Variants in RIOX2 observed in about 807,000 individuals in gnomAD.
RIOX2 encodes 60S ribosomal protein L27a histidine hydroxylase.
Under a neutral mutation model 51.2 loss-of-function variants are expected in RIOX2, and 43 were observed. The ratio of observed to expected loss-of-function variants is 0.84; its 90% CI spans 0.66 to 1.08. The LOEUF (loss-of-function observed/expected upper bound fraction) is 1.08. Ranked by LOEUF, RIOX2 falls within the 50% of genes least tolerant of loss-of-function variation. The pLI, the probability that RIOX2 is intolerant of heterozygous loss-of-function variation, is 0.00. For synonymous variants in RIOX2, 226 were observed against 218.5 expected (o/e 1.03, Z -0.30); for missense variants, 566 against 561.7 (o/e 1.01, Z -0.08).
intron 1 of RIOX2, chr3:97,971,445 G>C (rs1449043752): frequency 6.6e-6 from 1 of 152,218 alleles, no homozygotes; most frequent in African/African-American, 2.4e-5. Flanking sequence ...CTTGTAACAA[G>C]GTTGCCCAGA....
At chr3:97,959,852 T>G (rs750054147) in intron 3 of RIOX2, among the ~76,000 whole-genome samples, 1 of 152,216 alleles carries the variant, frequency 6.6e-6, no homozygotes, top group Non-Finnish European at 1.5e-5. Flanking sequence ...AACTTACCTA[T>G]ACAAATACTT....
intron 5 of RIOX2, among the ~76,000 whole-genome samples, chr3:97,953,564 G>C (rs1705328547): frequency 6.6e-6 from 1 of 151,992 alleles, no homozygotes. Context: ...ATTTTTTTTA[G>C]TAGAGATGGG....
intron 2 of RIOX2, among the ~76,000 whole-genome samples, chr3:97,963,629 G>C (rs1354918409): frequency 6.6e-6 from 1 of 152,124 alleles, no homozygotes; most frequent in Admixed American, 6.5e-5. Flanking sequence ...TAGAAAACCA[G>C]GGCTTCTCTC....
chr3:97,967,743 C>CTG, intron 1 of RIOX2, 111 bp from the exon 2 acceptor site: 1 of 720,206 alleles, frequency 1.4e-6, no homozygotes, highest in Non-Finnish European at 2.2e-6. Flanking sequence ...CGTGAGAACT[C>CTG]TTCATAGGTC....
At chr3:97,960,127 G>A (rs187398130) in intron 3 of RIOX2, among the ~76,000 whole-genome samples, 21 of 152,228 alleles carry the variant, frequency 1.4e-4, no homozygotes, top group Admixed American at 1.2e-3. Flanking sequence ...AACTTAAGCC[G>A]TGAATAACAC....
chr3:97,946,237 T>G (rs2040353474), intron 8 of RIOX2, among the ~76,000 whole-genome samples: 1 of 152,098 alleles, frequency 6.6e-6, no homozygotes, highest in Non-Finnish European at 1.5e-5. Context: ...CTCAGTTTTT[T>G]TAATCATACC....
Position 97,967,436 on chromosome 3 carries a change from GTC to G in RIOX2, c.156_157del (p.Glu52AspfsTer18), listed in dbSNP as rs774402116. The G allele has an allele frequency of 6.8e-6, 11 of 1,614,126 alleles. No homozygotes were observed. Among genetic ancestry groups the G allele is most frequent in the Non-Finnish European group, 9.3e-6 (11 of 1,180,026 alleles). ...CTGCTCCCAGAATTCCTTGAAAAAA[GTC>G]TCTGTCTTGATGGGCGAGATTAAAC... is the stretch of plus-strand genomic sequence containing the variant. On this transcript the variant is annotated frameshift_variant, in exon 2 of 10. Coordinates refer to ENST00000394198, the MANE Select transcript of RIOX2 (RefSeq NM_153182.4). LOFTEE classifies it high-confidence loss of function.
At chr3:97,952,289 A>G in intron 5 of RIOX2, 1 of 1,217,446 alleles carries the variant, frequency 8.2e-7, no homozygotes, top group Non-Finnish European at 1.1e-6. Flanking sequence ...GCCTGGACAC[A>G]TTGATCATGG....
At chr3:97,957,644 C>T (rs1430944517) in intron 4 of RIOX2, among the ~76,000 whole-genome samples, 1 of 152,084 alleles carries the variant, frequency 6.6e-6, no homozygotes, top group African/African-American at 2.4e-5. Flanking sequence ...GGCAACAATA[C>T]AAAGAATCCA....
intron 2 of RIOX2, among the ~76,000 whole-genome samples, chr3:97,965,676 A>C (rs1243905277): frequency 1.3e-5 from 2 of 152,246 alleles, no homozygotes; most frequent in Non-Finnish European, 2.9e-5. Context: ...TGCAGCACTT[A>C]AGTGGATGAG....
At chr3:97,965,652 C>G (rs746551807) in intron 2 of RIOX2, among the ~76,000 whole-genome samples, 1 of 152,174 alleles carries the variant, frequency 6.6e-6, no homozygotes, top group Non-Finnish European at 1.5e-5. Context: ...CACTGGAATC[C>G]CAGACGAGGA....
intron 2 of RIOX2, among the ~76,000 whole-genome samples, chr3:97,965,181 T>TCTCTC (rs966767681): frequency 7.0e-6 from 1 of 142,358 alleles, no homozygotes; most frequent in African/African-American, 2.7e-5. Flanking sequence ...GGCTTATAGG[T>TCTCTC]CTCTCCAGCA....
chr3:97,946,629 T>A (rs1289949263), intron 8 of RIOX2, among the ~76,000 whole-genome samples: 2 of 148,396 alleles, frequency 1.3e-5, no homozygotes, highest in South Asian at 4.2e-4. Flanking sequence ...TATTCATATA[T>A]ATATTCCAAC....
At chr3:97,954,237 G>C (rs1705371100) in intron 5 of RIOX2, 155 bp downstream of exon 5, 1 of 606,084 alleles carries the variant, frequency 1.6e-6, no homozygotes, top group South Asian at 1.9e-5. Flanking sequence ...CACATACATG[G>C]GACATCAAAG....
chr3:97,949,768 A>T, intron 7 of RIOX2, 76 bp downstream of exon 7: 6 of 1,370,772 alleles, frequency 4.4e-6, no homozygotes, highest in South Asian at 2.6e-5. Flanking sequence ...ATCTGTTCAA[A>T]AAGGAGCCTA....
chr3:97,952,027 A>T, intron 5 of RIOX2: 1 of 495,716 alleles, frequency 2.0e-6, no homozygotes, highest in Non-Finnish European at 3.8e-6. Context: ...ACTTCCCACA[A>T]TTTAGGAATA....
intron 7 of RIOX2, among the ~76,000 whole-genome samples, chr3:97,949,528 C>T (rs1705156948): frequency 6.6e-6 from 1 of 152,128 alleles, no homozygotes; most frequent in South Asian, 2.1e-4. Flanking sequence ...TTTCAATGTT[C>T]AAATTTTGAA....
intron 2 of RIOX2, among the ~76,000 whole-genome samples, chr3:97,963,864 G>C (rs573277859): frequency 6.6e-6 from 1 of 152,126 alleles, no homozygotes; most frequent in South Asian, 2.1e-4. Flanking sequence ...AAACCACCTC[G>C]GTTCAAGTTA....
Position 97,942,327 on chromosome 3 carries a change from C to T in RIOX2, c.*2857G>A, listed in dbSNP as rs2040249736. ...GATGTGATTGGTGGCCGGGACACACCTGGAGCTAAAGTAGCTCTATGGACT... is the reference window on the plus strand; with the variant it reads ...GATGTGATTGGTGGCCGGGACACACTTGGAGCTAAAGTAGCTCTATGGACT... On this transcript the variant is annotated 3_prime_UTR_variant, in exon 10 of 10. Transcript: ENST00000394198. The T allele has an allele frequency of 1.2e-6, 2 of 1,611,422 alleles. No homozygotes were observed. The highest frequency in any genetic ancestry group is 1.7e-6 in the Non-Finnish European group (2 of 1,178,370).
Sources: gnomAD v4.1 joint callset for allele counts (sites outside exome capture counted in the v4.1 genomes callset) on GRCh38, gnomAD v4.1.1 for gene constraint, MANE v1.5 for transcripts, NCBI Gene and HGNC (gene_info 2026-07-23, HGNC 2026-07-21) for gene names.